Variants in PPP1R16B observed in about 807,000 individuals in gnomAD.
The protein encoded by PPP1R16B is protein phosphatase 1 regulatory inhibitor subunit 16B.
Under a neutral mutation model 61.7 loss-of-function variants are expected in PPP1R16B, and 14 were observed. The observed-to-expected ratio is 0.23, with a 90% CI of 0.15 to 0.35. The LOEUF (loss-of-function observed/expected upper bound fraction) is 0.35, where lower values mean the gene tolerates loss of function less well. Among genes scored for constraint, PPP1R16B ranks in the 10% least tolerant of loss-of-function variants. PPP1R16B has a pLI of 1.00. For synonymous variants in PPP1R16B, 266 were observed against 305.3 expected, an observed-to-expected ratio of 0.87 and a Z score of 1.34; for missense variants, 547 against 752.5, an observed-to-expected ratio of 0.73 and a Z score of 3.19.
chr20:38,817,432 G>T (rs1261293259), intron 1 of PPP1R16B, among the ~76,000 whole-genome samples: 3 of 152,080 alleles, frequency 2.0e-5, no homozygotes, highest in Admixed American at 1.3e-4. Context: ...AGGCATGGTT[G>T]TGTGTGCCTG....
rs1445583279 is a variant in PPP1R16B, at chr20:38,919,124, G to C, written c.*458G>C. 3 of 154,278 alleles carry C rather than the reference G, an allele frequency of 1.9e-5. No homozygotes were observed. The highest frequency in any genetic ancestry group is 2.9e-5 in the Non-Finnish European group (2 of 69,282). 9.6% of individuals were successfully genotyped at this position (154,278 alleles called of 1,614,324 possible). A position where few individuals can be genotyped will look rare whatever the true frequency, so the allele number is the denominator to read the frequency against. Reference sequence around the variant, plus strand: ...TTTGTGGGGTATTCCCAAAAGGATGGAAGTTAAGACTCAGAGTCTCATTAC... The same window carrying C: ...TTTGTGGGGTATTCCCAAAAGGATGCAAGTTAAGACTCAGAGTCTCATTAC... On this transcript the variant is annotated 3_prime_UTR_variant, in exon 11 of 11. Transcript: ENST00000299824.
chr20:38,903,632 TC>T (rs1212862636), intron 6 of PPP1R16B, among the ~76,000 whole-genome samples: 2 of 152,048 alleles, frequency 1.3e-5, no homozygotes, highest in East Asian at 3.9e-4. Context: ...CATCCATCCA[TC>T]CAGCCATCCA....
intron 1 of PPP1R16B, among the ~76,000 whole-genome samples, chr20:38,824,647 A>G (rs2084793903): frequency 6.6e-6 from 1 of 152,216 alleles, no homozygotes; most frequent in African/African-American, 2.4e-5. Flanking sequence ...TTTTTCCTTC[A>G]AGTTCAATTC....
intron 2 of PPP1R16B, among the ~76,000 whole-genome samples, chr20:38,882,859 TC>T (rs1192858017): frequency 6.6e-6 from 1 of 152,130 alleles, no homozygotes; most frequent in Non-Finnish European, 1.5e-5. Flanking sequence ...GAAAGAAGGC[TC>T]CGGGCATAGG....
intron 2 of PPP1R16B, among the ~76,000 whole-genome samples, chr20:38,850,183 C>T (rs918882450): frequency 6.6e-6 from 1 of 152,150 alleles, no homozygotes; most frequent in Non-Finnish European, 1.5e-5. Flanking sequence ...CTCAACAAGT[C>T]CCAGAATGGA....
chr20:38,841,539 G>C (rs918747984), intron 2 of PPP1R16B, among the ~76,000 whole-genome samples: 16 of 151,910 alleles, frequency 1.1e-4, no homozygotes, highest in South Asian at 2.1e-4. Flanking sequence ...AAAACAAACA[G>C]AAAGCCTTTT....
At chr20:38,817,713 G>T (rs189178645) in intron 1 of PPP1R16B, among the ~76,000 whole-genome samples, 2 of 152,306 alleles carry the variant, frequency 1.3e-5, no homozygotes, top group Admixed American at 1.3e-4. Context: ...AGAGGAGTTT[G>T]CCAGGTGGAG....
Position 38,900,610 on chromosome 20 carries a change from A to T in PPP1R16B, c.497A>T (p.Asp166Val), listed in dbSNP as rs767589358. The change falls in exon 5 of 11, where the codon GAT becomes GTT. Residue 166 changes from aspartate to valine, a missense_variant. Coordinates refer to ENST00000299824, the MANE Select transcript of PPP1R16B (RefSeq NM_015568.4). The stretch of plus-strand genomic sequence containing the variant: ...GCCGACTTGCTTGCTGTCAACTCGG[A>T]TGGGAACATGCCATATGACCTCTGC... ...YGADLLAVNS[D>V]GNMPYDLCED... is the part of the protein sequence containing the mutation. The T allele has an allele frequency of 6.2e-7, 1 of 1,601,766 alleles. No individual in the cohort carries two copies. Among genetic ancestry groups the T allele is most frequent in the Non-Finnish European group, 8.5e-7 (1 of 1,174,884 alleles).
At chr20:38,812,050 G>C (rs186196740) in intron 1 of PPP1R16B, among the ~76,000 whole-genome samples, 2 of 152,294 alleles carry the variant, frequency 1.3e-5, no homozygotes, top group East Asian at 3.9e-4. Context: ...GGAGTCCCAG[G>C]GGTTTAGCTT....
At chr20:38,903,127 T>G (rs1194435707) in intron 6 of PPP1R16B, among the ~76,000 whole-genome samples, 1 of 152,188 alleles carries the variant, frequency 6.6e-6, no homozygotes, top group Non-Finnish European at 1.5e-5. Flanking sequence ...AGAAAGACTT[T>G]GTCTTTAATA....
At chr20:38,825,563 T>G (rs1284280642) in intron 1 of PPP1R16B, among the ~76,000 whole-genome samples, 1 of 152,132 alleles carries the variant, frequency 6.6e-6, no homozygotes, top group East Asian at 1.9e-4. Flanking sequence ...CTAGTCACCT[T>G]ATCAGGGTGG....
intron 2 of PPP1R16B, among the ~76,000 whole-genome samples, chr20:38,877,790 G>A (rs1198095879): frequency 6.6e-6 from 1 of 151,978 alleles, no homozygotes; most frequent in African/African-American, 2.4e-5. Context: ...GCCTAAAGTT[G>A]ATTACCTCCT....
intron 2 of PPP1R16B, among the ~76,000 whole-genome samples, chr20:38,871,168 T>C (rs2085126502): frequency 2.0e-5 from 3 of 151,996 alleles, no homozygotes; most frequent in Admixed American, 6.6e-5. Flanking sequence ...CTGGCCAACC[T>C]CCTGGAGCTT....
rs1478056893 is a variant in PPP1R16B, at chr20:38,865,286, TTTTTTTTTC to T, written c.251-24300_251-24292del. Among the ~76,000 whole-genome samples, 25 of 67,096 alleles carry T rather than the reference TTTTTTTTTC, an allele frequency of 3.7e-4. 1 individual carries two copies. The highest frequency in any genetic ancestry group is 6.6e-4 in the African/African-American group (7 of 10,540). The allele number at this position is 67,096 out of a possible 152,430, so 44.0% of individuals were successfully genotyped here. On this transcript the variant is annotated intron_variant, in intron 2 of 10. Transcript: ENST00000299824. ...CTGTGCCATGTACACTGCTGCATTC[TTTTTTTTTC>T]TTTTTTTTTTTTGAGACGGAGTCTC...
chr20:38,855,982 A>AAGG lies in PPP1R16B; in HGVS notation c.250+19816_250+19818dup, dbSNP rs1555804355. On this transcript the variant is annotated intron_variant, in intron 2 of 10. Coordinates refer to ENST00000299824, the MANE Select transcript of PPP1R16B (RefSeq NM_015568.4). ...GAGAGAGAGAGAGAGAGAGAGAGAG[A>AAGG]AGGAGGAGGAGAGAGACCAGGACAG... 7.6e-3 allele frequency among the ~76,000 whole-genome samples: 315 copies of AAGG among 41,386 alleles called. 28 individuals carry two copies. Among genetic ancestry groups the AAGG allele is most frequent in the Admixed American group, 0.023 (78 of 3,370 alleles). 27.2% of individuals were successfully genotyped at this position (41,386 alleles called of 152,430 possible).
At chr20:38,901,578 T>A (rs1036351337) in intron 5 of PPP1R16B, among the ~76,000 whole-genome samples, 2 of 152,122 alleles carry the variant, frequency 1.3e-5, no homozygotes, top group Non-Finnish European at 2.9e-5. Flanking sequence ...CCCAGCTAAT[T>A]TTTGTATTTT....
intron 1 of PPP1R16B, among the ~76,000 whole-genome samples, chr20:38,808,680 C>T (rs2084678278): frequency 6.6e-6 from 1 of 152,152 alleles, no homozygotes; most frequent in South Asian, 2.1e-4. Context: ...ATAGGTATCA[C>T]AGTAATGCCT....
At chr20:38,849,686 A>AAC (rs1491432262) in intron 2 of PPP1R16B, among the ~76,000 whole-genome samples, 1 of 108,148 alleles carries the variant, frequency 9.2e-6, no homozygotes, top group Non-Finnish European at 2.0e-5. Context: ...CAACAACAAC[A>AAC]AAAAAAAAAC....
At chr20:38,861,857 A>T (rs567159344) in intron 2 of PPP1R16B, among the ~76,000 whole-genome samples, 1 of 151,372 alleles carries the variant, frequency 6.6e-6, no homozygotes, top group South Asian at 2.1e-4. Context: ...TTGTATTTTT[A>T]GTAGAGACAG....
Sources: gnomAD v4.1 joint callset for allele counts (sites outside exome capture counted in the v4.1 genomes callset) on GRCh38, gnomAD v4.1.1 for gene constraint, MANE v1.5 for transcripts, NCBI Gene and HGNC (gene_info 2026-07-23, HGNC 2026-07-21) for gene names.